ATCAY: variants seen among roughly 807,000 people sequenced by gnomAD.
ATCAY encodes ATCAY kinesin light chain interacting caytaxin.
ATCAY carries 22 observed loss-of-function variants against 47.7 expected under a neutral mutation model. The ratio of observed to expected loss-of-function variants is 0.46; its 90% CI spans 0.33 to 0.66. The LOEUF is 0.66. Among genes scored for constraint, ATCAY ranks in the 30% least tolerant of loss-of-function variants. The probability of loss-of-function intolerance (pLI) is 0.02; values close to 1 mark genes in which losing one functional copy is unlikely to be tolerated. For missense variants in ATCAY, 452 were observed against 515.0 expected (o/e 0.88, Z 1.18); for synonymous variants, 216 against 207.6 (o/e 1.04, Z -0.35).
At chr19:3,919,044 G>A (rs1048845797) in intron 11 of ATCAY, among the ~76,000 whole-genome samples, 167 bp downstream of exon 11, 15 of 152,132 alleles carry the variant, frequency 9.9e-5, no homozygotes, top group Admixed American at 9.8e-4. Context: ...TTGGGAGGCC[G>A]AGGTGGGCAG....
chr19:3,905,748 A>G (rs1330914124), intron 4 of ATCAY, 93 bp downstream of exon 4: 4 of 1,210,212 alleles, frequency 3.3e-6, no homozygotes, highest in Non-Finnish European at 4.7e-6. Flanking sequence ...GAGAGTCACA[A>G]GTGGGGCAGG....
intron 2 of ATCAY, among the ~76,000 whole-genome samples, chr19:3,893,955 C>T (rs530568131): frequency 2.6e-4 from 39 of 152,212 alleles, no homozygotes; most frequent in Middle Eastern, 6.8e-3. Context: ...ACTTGGCAAG[C>T]TTATTCCAGT....
intron 6 of ATCAY, 59 bp from the exon 7 acceptor site, chr19:3,909,427 G>T: frequency 6.4e-7 from 1 of 1,571,130 alleles, no homozygotes; most frequent in Non-Finnish European, 8.7e-7. Flanking sequence ...CGGCACCGCA[G>T]GTGTCCTGAC....
At chr19:3,918,400 T>G (rs1041050026) in intron 10 of ATCAY, among the ~76,000 whole-genome samples, 36 of 123,792 alleles carry the variant, frequency 2.9e-4, no homozygotes, top group Non-Finnish European at 2.4e-4. Context: ...AAAAAAAAAA[T>G]AAATTAGCCA....
In ATCAY at chr19:3,882,728, C is replaced by T. The variant is rs531042878; in HGVS notation, c.-42+1720C>T. Among the ~76,000 whole-genome samples, 20 of 152,126 alleles carry T rather than the reference C, an allele frequency of 1.3e-4. No individual in the cohort carries two copies. In the South Asian group the frequency reaches 2.5e-3, roughly 19 times the overall value. On this transcript the variant is annotated intron_variant, in intron 1 of 12. Transcript: ENST00000450849. ...GCACAATCATACCTCACTGCAGCCT[C>T]CACCTCCTGGGCTCAGGCAATCCTC...
intron 2 of ATCAY, among the ~76,000 whole-genome samples, chr19:3,890,596 C>T (rs899619422): frequency 6.6e-6 from 1 of 152,072 alleles, no homozygotes; most frequent in African/African-American, 2.4e-5. Flanking sequence ...TCATCTCACC[C>T]AAGCCTTCTT....
chr19:3,913,739 C>G lies in ATCAY; in HGVS notation c.867-19C>G. The G allele has an allele frequency of 1.2e-6, 2 of 1,610,266 alleles. No individual in the cohort carries two copies. Among genetic ancestry groups the G allele is most frequent in the Non-Finnish European group, 8.5e-7 (1 of 1,177,260 alleles). On this transcript the variant is annotated intron_variant, in intron 8 of 12. Transcript: ENST00000450849. ...CATGGGTTGCATTTCAGACCTCTCC[C>G]TCCTTCTCCCCCCGCCAGCGTCAAG...
chr19:3,897,492 G>T (rs1225373300), intron 2 of ATCAY, among the ~76,000 whole-genome samples: 1 of 151,276 alleles, frequency 6.6e-6, no homozygotes, highest in Non-Finnish European at 1.5e-5. Flanking sequence ...ATGGAGTCTC[G>T]CTGTGTTGCC....
chr19:3,920,083 C>A (rs988433975), intron 11 of ATCAY, among the ~76,000 whole-genome samples: 1 of 152,182 alleles, frequency 6.6e-6, no homozygotes, highest in Non-Finnish European at 1.5e-5. Context: ...GTGGCTCACG[C>A]CTGTAATCCC....
At chr19:3,922,263 T>C (rs1161575190) in intron 12 of ATCAY, 1 of 697,470 alleles carries the variant, frequency 1.4e-6, no homozygotes, top group East Asian at 2.7e-5. Context: ...TATGAAGAAA[T>C]ACCCAAGACC....
At chr19:3,899,207 AAG>A (rs2038793691) in intron 2 of ATCAY, among the ~76,000 whole-genome samples, 1 of 152,092 alleles carries the variant, frequency 6.6e-6, no homozygotes, top group African/African-American at 2.4e-5. Context: ...GAATAGAGAA[AAG>A]AGAGGGAGGG....
chr19:3,907,226 C>A lies in ATCAY; in HGVS notation c.359-508C>A, dbSNP rs1339769165. On this transcript the variant is annotated intron_variant, in intron 4 of 12. Coordinates refer to ENST00000450849, the MANE Select transcript of ATCAY (RefSeq NM_033064.5). The surrounding 1 kb of genome is among the most constrained non-coding windows in gnomAD (Gnocchi z 5.1). ...TCGGGAGGCCAGGGTAGGAGGATCGCTTAAGGCCAGGAGTTTGAGACCAGC... is the reference window on the plus strand; with the variant it reads ...TCGGGAGGCCAGGGTAGGAGGATCGATTAAGGCCAGGAGTTTGAGACCAGC... Among the ~76,000 whole-genome samples, 1 of 151,962 alleles carries A rather than the reference C, an allele frequency of 6.6e-6. No homozygotes were observed. Among genetic ancestry groups the A allele is most frequent in the African/African-American group, 2.4e-5 (1 of 41,388 alleles).
Position 3,907,950 on chromosome 19 carries a change from G to A in ATCAY, c.544+31G>A. On this transcript the variant is annotated intron_variant, in intron 5 of 12. Transcript: ENST00000450849. This position sits in a 1 kb window ranked among gnomAD's most constrained non-coding sequence, Gnocchi z 5.1. ...ACCCGCCCCCCGGTGCCCCCTTGGG[G>A]CTCCAGCCCGGCCCACTGGGCAACA... 3 of 1,599,408 alleles carry A rather than the reference G, an allele frequency of 1.9e-6. No individual in the cohort carries two copies. The East Asian group carries it at 6.8e-5, about 36-fold the overall frequency.
At position 3,918,804 on chromosome 19, in the gene ATCAY, A is replaced by C; in HGVS notation, c.1002-2A>C. Reference sequence around the variant, plus strand: ...TTGTCACCTCGTTCTCTCTGTCCACAGCGCGAGGCCCCAGCCGGAGTTTGT... The same window carrying C: ...TTGTCACCTCGTTCTCTCTGTCCACCGCGCGAGGCCCCAGCCGGAGTTTGT... On this transcript the variant is annotated splice_acceptor_variant, in intron 10 of 12. Coordinates refer to ENST00000450849, the MANE Select transcript of ATCAY (RefSeq NM_033064.5). LOFTEE classifies it high-confidence loss of function. The C allele has an allele frequency of 1.2e-6, 2 of 1,613,948 alleles. No homozygotes were observed. The highest frequency in any genetic ancestry group is 1.7e-6 in the Non-Finnish European group (2 of 1,179,838).
intron 8 of ATCAY, among the ~76,000 whole-genome samples, chr19:3,911,566 AATAAT>A (rs1161383872): frequency 3.1e-5 from 3 of 97,272 alleles, no homozygotes; most frequent in Admixed American, 1.2e-4. Flanking sequence ...TAAATAAATA[AATAAT>A]ATGACTAATA....
intron 1 of ATCAY, among the ~76,000 whole-genome samples, 174 bp from the exon 2 acceptor site, chr19:3,885,553 C>CA (rs1297397492): frequency 1.5e-5 from 2 of 130,650 alleles, no homozygotes; most frequent in Non-Finnish European, 3.1e-5. Flanking sequence ...GACTCCGTCT[C>CA]AAAAAAGAAG....
intron 11 of ATCAY, among the ~76,000 whole-genome samples, chr19:3,919,226 C>T (rs939656550): frequency 1.2e-4 from 18 of 151,604 alleles, no homozygotes; most frequent in African/African-American, 3.4e-4. Context: ...TGCAGTGAGC[C>T]GAGATAGTAC....
chr19:3,885,143 G>T (rs1029492127), intron 1 of ATCAY, among the ~76,000 whole-genome samples: 1 of 131,360 alleles, frequency 7.6e-6, no homozygotes, highest in African/African-American at 2.8e-5. Flanking sequence ...AAACAGCCAA[G>T]CTCAGTGGCT....
chr19:3,910,912 C>G (rs1013447061), intron 8 of ATCAY, 23 bp downstream of exon 8: 4 of 1,613,004 alleles, frequency 2.5e-6, no homozygotes, highest in South Asian at 1.1e-5. Context: ...GGCTGCAACC[C>G]AAGTCCAGTG....
Sources: gnomAD v4.1 joint callset for allele counts (sites outside exome capture counted in the v4.1 genomes callset) on GRCh38, gnomAD v4.1.1 for gene constraint, Gnocchi (gnomAD v3.1) non-coding constraint, MANE v1.5 for transcripts, NCBI Gene and HGNC (gene_info 2026-07-23, HGNC 2026-07-21) for gene names.